Variants in ANGPT4 observed in about 807,000 individuals in gnomAD.
ANGPT4 encodes angiopoietin-4.
In ANGPT4, 50 loss-of-function variants were observed where a neutral mutation model predicts 53.0. That is an observed-to-expected ratio of 0.94 (90% CI 0.75 to 1.20). ANGPT4 has a LOEUF of 1.20. ANGPT4 is among the 50% of genes most tolerant of loss of function. ANGPT4 has a pLI of 0.00. For missense variants in ANGPT4, 648 were observed against 637.1 expected (o/e 1.02, Z -0.18); for synonymous variants, 251 against 259.7 (o/e 0.97, Z 0.32).
chr20:885,095 G>A lies in ANGPT4; in HGVS notation c.818C>T (p.Ala273Val), dbSNP rs774314576. The A allele has an allele frequency of 6.2e-7, 1 of 1,613,706 alleles. No individual in the cohort carries two copies. Among genetic ancestry groups the A allele is most frequent in the Non-Finnish European group, 8.5e-7 (1 of 1,179,918 alleles). Residue 273 changes from alanine to valine, a missense_variant, in exon 4 of 9, where the codon GCT becomes GTT. By Grantham distance (64) the Ala-to-Val change is moderately conservative. Coordinates refer to ENST00000381922, the MANE Select transcript of ANGPT4 (RefSeq NM_015985.4). ...TCACTCACCCGGGGCCGAGGCGTTA[G>A]CCCTTTCTTGCACCAGGTGCCGCAA... ...VLLRHLVQERANASAPAFIMA... is the reference protein window; with the variant it reads ...VLLRHLVQERVNASAPAFIMA...
At position 914,605 on chromosome 20, in the gene ANGPT4, G is replaced by C. The variant is rs1982848592; in HGVS notation, c.309+1301C>G. Among the ~76,000 whole-genome samples the C allele has an allele frequency of 3.9e-5, 6 of 152,098 alleles. No homozygotes were observed. Among genetic ancestry groups the C allele is most frequent in the Admixed American group, 3.9e-4 (6 of 15,282 alleles). On this transcript the variant is annotated intron_variant, in intron 1 of 8. Transcript: ENST00000381922. This position sits in a 1 kb window ranked among gnomAD's most constrained non-coding sequence, Gnocchi z 5.0. ...ATCCTGCCTGGAGCCAGAGGTGGTT[G>C]TCAAGCTTGTCTGCTGTTTAATACC... is the stretch of plus-strand genomic sequence containing the variant.
chr20:912,473 A>G (rs1050839982), intron 1 of ANGPT4, among the ~76,000 whole-genome samples: 2 of 151,972 alleles, frequency 1.3e-5, no homozygotes, highest in Non-Finnish European at 1.5e-5. Flanking sequence ...CTGTCCCCCA[A>G]CCTCCTCAAT....
chr20:905,455 C>A (rs1982444300), intron 1 of ANGPT4, among the ~76,000 whole-genome samples: 1 of 152,036 alleles, frequency 6.6e-6, no homozygotes, highest in African/African-American at 2.4e-5. Flanking sequence ...AGTTAGGAGC[C>A]TCGAGCCCAG....
chr20:885,403 G>GA, intron 3 of ANGPT4, 78 bp from the exon 4 acceptor site: 1 of 1,437,756 alleles, frequency 7.0e-7, no homozygotes, highest in Non-Finnish European at 9.1e-7. Context: ...CCCGGCCCTG[G>GA]AGTCCCTGCA....
chr20:883,204 G>A (rs536267828), intron 4 of ANGPT4, among the ~76,000 whole-genome samples: 19 of 152,308 alleles, frequency 1.2e-4, no homozygotes, highest in East Asian at 3.9e-4. Flanking sequence ...CTTGAACTCC[G>A]GCCCATCTGA....
At position 885,235 on chromosome 20, in the gene ANGPT4, C is replaced by T. The variant is rs764893973; in HGVS notation, c.678G>A (p.Thr226=). ...ILSKKAKLLN[T]LSRQSAALTN... ...TGAGGGCGGCGCTCTGGCGGCTCAG[C>T]GTGTTCAGCAGCTTCGCCTTCTTGC... The change falls in exon 4 of 9, where the codon ACG becomes ACA. Residue 226 remains threonine (T), a synonymous_variant. Coordinates refer to ENST00000381922, the MANE Select transcript of ANGPT4 (RefSeq NM_015985.4). The T allele has an allele frequency of 1.3e-6, 2 of 1,585,684 alleles. No individual in the cohort carries two copies. Among genetic ancestry groups the T allele is most frequent in the Admixed American group, 1.8e-5 (1 of 56,384 alleles).
chr20:884,994 C>A, intron 4 of ANGPT4, 84 bp downstream of exon 4: 1 of 1,563,054 alleles, frequency 6.4e-7, no homozygotes, highest in East Asian at 2.3e-5. Flanking sequence ...CCCAGGCGCC[C>A]AGAGACCCTG....
intron 7 of ANGPT4, among the ~76,000 whole-genome samples, chr20:877,353 A>G (rs1981209733): frequency 6.6e-6 from 1 of 152,220 alleles, no homozygotes; most frequent in African/African-American, 2.4e-5. Context: ...ACCCAGGCTT[A>G]TCTAAAAGAT....
Position 884,936 on chromosome 20 carries a change from T to C in ANGPT4, c.835+142A>G, listed in dbSNP as rs1471067890. The C allele has an allele frequency of 4.2e-6, 5 of 1,193,512 alleles. No individual in the cohort carries two copies. In the African/African-American group the frequency reaches 7.7e-5, roughly 18 times the overall value. 73.9% of individuals were successfully genotyped at this position (1,193,512 alleles called of 1,614,324 possible). ...TTGACGCCATTATTACTGTTTATTGTTGTTTCTATTTCACAGATGGTCGGG... is the reference window on the plus strand; with the variant it reads ...TTGACGCCATTATTACTGTTTATTGCTGTTTCTATTTCACAGATGGTCGGG... On this transcript the variant is annotated intron_variant, in intron 4 of 8. Transcript: ENST00000381922.
At chr20:900,239 C>T (rs1982234645) in intron 1 of ANGPT4, among the ~76,000 whole-genome samples, 1 of 152,160 alleles carries the variant, frequency 6.6e-6, no homozygotes, top group African/African-American at 2.4e-5. Flanking sequence ...TTATACCCAG[C>T]CCTGTAAATA....
At chr20:887,822 A>G (rs1485783069) in intron 3 of ANGPT4, among the ~76,000 whole-genome samples, 1 of 152,014 alleles carries the variant, frequency 6.6e-6, no homozygotes, top group Non-Finnish European at 1.5e-5. Flanking sequence ...TTACCGGATG[A>G]ATAGTATGGT....
intron 1 of ANGPT4, among the ~76,000 whole-genome samples, chr20:890,958 A>G (rs991710399): frequency 9.9e-5 from 15 of 151,726 alleles, no homozygotes; most frequent in Non-Finnish European, 1.8e-4. Context: ...ACTTATCACC[A>G]CCTGACTTTT....
intron 1 of ANGPT4, among the ~76,000 whole-genome samples, chr20:902,731 A>C (rs1374185355): frequency 6.6e-6 from 1 of 152,030 alleles, no homozygotes; most frequent in Non-Finnish European, 1.5e-5. Flanking sequence ...TTTCTGAGAG[A>C]GGGTCACCGG....
At chr20:876,490 G>A (rs948702078) in intron 7 of ANGPT4, among the ~76,000 whole-genome samples, 3 of 152,210 alleles carry the variant, frequency 2.0e-5, no homozygotes, top group South Asian at 2.1e-4. Flanking sequence ...AGGCTGCCAC[G>A]AGACAGTGAT....
intron 1 of ANGPT4, among the ~76,000 whole-genome samples, chr20:892,594 C>G (rs1320436364): frequency 7.6e-6 from 1 of 131,784 alleles, no homozygotes; most frequent in Non-Finnish European, 1.6e-5. Context: ...GACCGTGTCT[C>G]AAAAAAAAAA....
At chr20:894,858 T>C (rs1354671343) in intron 1 of ANGPT4, among the ~76,000 whole-genome samples, 1 of 152,186 alleles carries the variant, frequency 6.6e-6, no homozygotes, top group Non-Finnish European at 1.5e-5. Flanking sequence ...GAGCTGGTGA[T>C]TCAGGGCAGC....
intron 2 of ANGPT4, among the ~76,000 whole-genome samples, chr20:889,338 T>C (rs1419469255): frequency 3.9e-5 from 6 of 152,218 alleles, no homozygotes; most frequent in African/African-American, 1.4e-4. Flanking sequence ...GCAAACATCA[T>C]AGTGTGTACT....
intron 4 of ANGPT4, among the ~76,000 whole-genome samples, chr20:883,442 T>C (rs1981485861): frequency 1.3e-5 from 2 of 152,254 alleles, no homozygotes; most frequent in African/African-American, 4.8e-5. Context: ...AGCCTCCACC[T>C]GACTGGGACA....
At chr20:890,431 C>T (rs373500158) in intron 1 of ANGPT4, 63 bp from the exon 2 acceptor site, 68 of 1,488,104 alleles carry the variant, frequency 4.6e-5, no homozygotes, top group African/African-American at 1.8e-4. Context: ...GTCCCTCCCA[C>T]GTGTCACCAT....
Sources: allele counts gnomAD v4.1 joint callset (sites outside exome capture counted in the v4.1 genomes callset), GRCh38; gene constraint gnomAD v4.1.1; non-coding constraint Gnocchi (gnomAD v3.1); transcripts MANE v1.5; gene names NCBI Gene and HGNC (gene_info 2026-07-23, HGNC 2026-07-21).